The following ZNF280C variants were observed in gnomAD, a reference collection of about 807,000 sequenced individuals.
ZNF280C encodes suppressor of hairy wing homolog 3.
Under a neutral mutation model 53.6 loss-of-function variants are expected in ZNF280C, and 14 were observed. The ratio of observed to expected loss-of-function variants is 0.26; its 90% CI spans 0.17 to 0.41. The LOEUF (loss-of-function observed/expected upper bound fraction) is 0.41, where lower values mean the gene tolerates loss of function less well. Ranked by LOEUF, ZNF280C falls within the 10% of genes least tolerant of loss-of-function variation. The pLI, the probability that ZNF280C is intolerant of heterozygous loss-of-function variation, is 1.00. For missense variants in ZNF280C, 416 were observed against 547.1 expected, an observed-to-expected ratio of 0.76 and a Z score of 2.39; for synonymous variants, 203 against 181.1, an observed-to-expected ratio of 1.12 and a Z score of -0.97.
At chrX:130,248,263 C>G (rs1429540383) in intron 2 of ZNF280C, among the ~76,000 whole-genome samples, 1 of 105,991 alleles carries the variant, frequency 9.4e-6, no homozygotes, top group Non-Finnish European at 1.9e-5. Context: ...AACTGGGAAG[C>G]CTGTATGGGG....
At chrX:130,259,613 T>G (rs1183877546) in intron 2 of ZNF280C, among the ~76,000 whole-genome samples, 2 of 112,671 alleles carry the variant, frequency 1.8e-5, no homozygotes, top group African/African-American at 6.4e-5. Context: ...TAGTTATCGC[T>G]GGGGATGAGA....
chrX:130,248,208 G>T (rs1341309921), intron 2 of ZNF280C, among the ~76,000 whole-genome samples: 1 of 101,789 alleles, frequency 9.8e-6, no homozygotes, highest in Non-Finnish European at 2.0e-5. Flanking sequence ...GGGAGGTGCT[G>T]AGTGGGCTGA....
At chrX:130,214,157 C>CTT (rs1169307061) in intron 15 of ZNF280C, among the ~76,000 whole-genome samples, 1 of 110,895 alleles carries the variant, frequency 9.0e-6, no homozygotes, top group Non-Finnish European at 1.9e-5. Context: ...GAATAATGAA[C>CTT]TTATATCTGG....
At chrX:130,255,226 C>T (rs1187136554) in intron 2 of ZNF280C, among the ~76,000 whole-genome samples, 14 of 99,349 alleles carry the variant, frequency 1.4e-4, no homozygotes, top group Non-Finnish European at 1.4e-4. Flanking sequence ...CTGCAAGCTC[C>T]GCCTCCCGGG....
Position 130,235,406 on chromosome X carries a change from C to T in ZNF280C, c.771+808G>A, listed in dbSNP as rs2032320075. Among the ~76,000 whole-genome samples, 3 of 111,310 alleles carry T rather than the reference C, an allele frequency of 2.7e-5. No homozygotes were observed. In the South Asian group the frequency reaches 1.1e-3, roughly 42 times the overall value. On this transcript the variant is annotated intron_variant, in intron 8 of 18. Coordinates refer to ENST00000370978, the MANE Select transcript of ZNF280C (RefSeq NM_017666.5). ...GGTGCTACGTGTAATCCCAGCTACGCGGGAGGCTGAGGCAGGAGAATCGCC... is the reference window on the plus strand; with the variant it reads ...GGTGCTACGTGTAATCCCAGCTACGTGGGAGGCTGAGGCAGGAGAATCGCC...
chrX:130,240,911 T>C (rs548350490), intron 5 of ZNF280C, among the ~76,000 whole-genome samples: 4 of 112,546 alleles, frequency 3.6e-5, no homozygotes, highest in East Asian at 2.8e-4. Flanking sequence ...CTAATAATTA[T>C]GTATTTAAAA....
At position 130,220,507 on chromosome X, in the gene ZNF280C, T is replaced by C. The variant is rs183386687; in HGVS notation, c.1396-27A>G. ...TGTTTACAGAAAATATTAGATATAA[T>C]AACTTCCACCACCACAAATCCTAGG... On this transcript the variant is annotated intron_variant, in intron 12 of 18. Transcript: ENST00000370978. 73 of 1,158,887 alleles carry C rather than the reference T, an allele frequency of 6.3e-5. No homozygotes were observed. In the African/African-American group the frequency reaches 1.2e-3, roughly 19 times the overall value.
In ZNF280C at chrX:130,268,752, G is replaced by C. The variant is rs940945355; in HGVS notation, c.-17+10C>G. On this transcript the variant is annotated intron_variant, in intron 1 of 18. Coordinates refer to ENST00000370978, the MANE Select transcript of ZNF280C (RefSeq NM_017666.5). ...TCCGCGCGGCACAGGCGGGGGCGGGGGCCGCTTACCGAGAGCAGAGCAGAT... is the reference window on the plus strand; with the variant it reads ...TCCGCGCGGCACAGGCGGGGGCGGGCGCCGCTTACCGAGAGCAGAGCAGAT... 2 of 112,353 alleles carry C rather than the reference G, an allele frequency of 1.8e-5. No individual in the cohort carries two copies. Among genetic ancestry groups the C allele is most frequent in the African/African-American group, 6.5e-5 (2 of 30,973 alleles). 9.3% of individuals were successfully genotyped at this position (112,353 alleles called of 1,213,427 possible).
At chrX:130,228,911 G>T in intron 10 of ZNF280C, 66 bp downstream of exon 10, 2 of 1,005,679 alleles carry the variant, frequency 2.0e-6, no homozygotes, top group Non-Finnish European at 2.6e-6. Context: ...GAATTTTTAA[G>T]GTTTCCTCAC....
Position 130,207,012 on chromosome X carries a change from A to G in ZNF280C, c.2043-1597T>C, listed in dbSNP as rs750123475. On this transcript the variant is annotated intron_variant, in intron 16 of 18. Coordinates refer to ENST00000370978, the MANE Select transcript of ZNF280C (RefSeq NM_017666.5). ...TTATTACCTTTTTACAGAGGACAGA[A>G]TTAGTTTCAGTAATCTACTGAGGCC... is the stretch of plus-strand genomic sequence containing the variant. Among the ~76,000 whole-genome samples the G allele has an allele frequency of 5.4e-5, 6 of 112,012 alleles. 1 individual carries two copies. The South Asian group carries it at 1.5e-3, about 28-fold the overall frequency.
intron 12 of ZNF280C, among the ~76,000 whole-genome samples, chrX:130,222,546 T>C (rs1268897949): frequency 2.7e-5 from 3 of 112,306 alleles, no homozygotes; most frequent in Non-Finnish European, 5.6e-5. Flanking sequence ...CAATGAGTAT[T>C]TACTTGTCCA....
chrX:130,255,076 G>A (rs1474166051), intron 2 of ZNF280C, among the ~76,000 whole-genome samples: 8 of 101,235 alleles, frequency 7.9e-5, no homozygotes, highest in African/African-American at 2.9e-4. Context: ...GAAACCAAAA[G>A]ACAAAAAACA....
At chrX:130,268,491 T>C (rs2032714884) in intron 1 of ZNF280C, among the ~76,000 whole-genome samples, 1 of 111,794 alleles carries the variant, frequency 8.9e-6, no homozygotes. Context: ...CTGCCGCAGC[T>C]GCCGCGGCCC....
intron 15 of ZNF280C, among the ~76,000 whole-genome samples, chrX:130,211,528 G>A (rs766889821): frequency 6.3e-5 from 7 of 111,401 alleles, no homozygotes; most frequent in South Asian, 3.8e-4. Flanking sequence ...AGTCCACACC[G>A]AGTAGGAGTG....
intron 2 of ZNF280C, among the ~76,000 whole-genome samples, chrX:130,259,823 C>G (rs1386170246): frequency 1.0e-4 from 11 of 109,485 alleles, no homozygotes; most frequent in African/African-American, 3.3e-4. Flanking sequence ...AACCCCATCT[C>G]TACTAAAAAT....
chrX:130,206,214 TAGAAA>T (rs1309085304), intron 16 of ZNF280C, among the ~76,000 whole-genome samples: 13 of 111,230 alleles, frequency 1.2e-4, no homozygotes, highest in Admixed American at 4.9e-4. Flanking sequence ...AGGATAAAAT[TAGAAA>T]AGAAATGTGA....
chrX:130,240,830 T>C (rs1303816493), intron 5 of ZNF280C, among the ~76,000 whole-genome samples: 1 of 112,329 alleles, frequency 8.9e-6, no homozygotes, highest in African/African-American at 3.2e-5. Flanking sequence ...TCCATTTATT[T>C]AACTATGTTA....
intron 15 of ZNF280C, among the ~76,000 whole-genome samples, chrX:130,214,533 G>A (rs1486165167): frequency 2.7e-5 from 3 of 110,894 alleles, no homozygotes; most frequent in African/African-American, 9.8e-5. Context: ...ACATATACAG[G>A]GGTCCCTGTA....
chrX:130,258,843 C>T (rs1220306235), intron 2 of ZNF280C, among the ~76,000 whole-genome samples: 1 of 111,729 alleles, frequency 9.0e-6, no homozygotes, highest in Non-Finnish European at 1.9e-5. Flanking sequence ...TTGAATAGTT[C>T]AAATCCTCAC....
Sources: allele counts gnomAD v4.1 joint callset (sites outside exome capture counted in the v4.1 genomes callset), GRCh38; gene constraint gnomAD v4.1.1; transcripts MANE v1.5; gene names NCBI Gene and HGNC (gene_info 2026-07-23, HGNC 2026-07-21).